ATE1: variants seen among roughly 807,000 people sequenced by gnomAD.
The protein encoded by ATE1 is arginyl-tRNA--protein transferase 1.
A neutral mutation model predicts 70.5 loss-of-function variants in ATE1; 36 were observed. The observed-to-expected ratio is 0.51, with a 90% CI of 0.39 to 0.67. ATE1 has a LOEUF of 0.67. Among genes scored for constraint, ATE1 ranks in the 30% least tolerant of loss-of-function variants. The probability of loss-of-function intolerance (pLI) is 0.00; values close to 1 mark genes in which losing one functional copy is unlikely to be tolerated. For missense variants in ATE1, 593 were observed against 629.5 expected (o/e 0.94, Z 0.62); for synonymous variants, 232 against 219.3 (o/e 1.06, Z -0.51).
chr10:121,760,906 T>A (rs536871918), intron 11 of ATE1, among the ~76,000 whole-genome samples: 1 of 152,302 alleles, frequency 6.6e-6, no homozygotes, highest in East Asian at 1.9e-4. Context: ...ATGTTTGTCC[T>A]CCCAAACATC....
intron 10 of ATE1, 100 bp from the exon 11 acceptor site, chr10:121,790,389 A>G: frequency 7.0e-7 from 1 of 1,427,478 alleles, no homozygotes; most frequent in South Asian, 1.4e-5. Context: ...CAAAAACTTA[A>G]AAGTCAACCA....
At chr10:121,748,481 T>G (rs1944453646) in intron 11 of ATE1, among the ~76,000 whole-genome samples, 1 of 152,190 alleles carries the variant, frequency 6.6e-6, no homozygotes, top group African/African-American at 2.4e-5. Context: ...GTCATATTTT[T>G]GGGAAACACT....
intron 2 of ATE1, 33 bp from the exon 3 acceptor site, chr10:121,922,444 A>G: frequency 7.1e-7 from 1 of 1,417,218 alleles, no homozygotes; most frequent in Non-Finnish European, 9.8e-7. Flanking sequence ...TTAATGTCTT[A>G]TATATTTTTC....
At chr10:121,870,566 G>A (rs761569665) in intron 7 of ATE1, among the ~76,000 whole-genome samples, 1 of 152,096 alleles carries the variant, frequency 6.6e-6, no homozygotes, top group Non-Finnish European at 1.5e-5. Context: ...CTCATCTGTG[G>A]TCTTTACCAT....
chr10:121,768,226 A>C (rs2135849728), intron 11 of ATE1, among the ~76,000 whole-genome samples: 1 of 152,340 alleles, frequency 6.6e-6, no homozygotes, highest in East Asian at 1.9e-4. Context: ...AATCAGTCAC[A>C]GAGTTTGTTT....
chr10:121,871,855 C>A (rs958016789), intron 7 of ATE1, among the ~76,000 whole-genome samples: 1 of 152,116 alleles, frequency 6.6e-6, no homozygotes, highest in African/African-American at 2.4e-5. Flanking sequence ...GCAAAATATA[C>A]CAAAATTTTA....
chr10:121,927,420 A>G, intron 1 of ATE1: 1 of 984,170 alleles, frequency 1.0e-6, no homozygotes, highest in Non-Finnish European at 1.2e-6. Context: ...TTCATACATG[A>G]CCGGCACCTG....
At chr10:121,871,299 A>C (rs570939718) in intron 7 of ATE1, among the ~76,000 whole-genome samples, 1 of 152,216 alleles carries the variant, frequency 6.6e-6, no homozygotes, top group South Asian at 2.1e-4. Flanking sequence ...TCTCTAATAA[A>C]AATACAAAAA....
intron 10 of ATE1, among the ~76,000 whole-genome samples, chr10:121,814,714 C>T (rs938046283): frequency 6.6e-6 from 1 of 152,066 alleles, no homozygotes; most frequent in Admixed American, 6.5e-5. Context: ...AGCATCCTGG[C>T]GGGATGAGGA....
At position 121,866,826 on chromosome 10, in the gene ATE1, G is replaced by A. The variant is rs139270665; in HGVS notation, c.975+3180C>T. On this transcript the variant is annotated intron_variant, in intron 8 of 11. Coordinates refer to ENST00000224652, the MANE Select transcript of ATE1 (RefSeq NM_001001976.3). The stretch of plus-strand genomic sequence containing the variant: ...GTGCTATCTGCACTCCAGCCTGGGT[G>A]ACAGAGTAAGACTCTGTCTCAAAAA... 7.7e-3 allele frequency among the ~76,000 whole-genome samples: 1,057 copies of A among 137,692 alleles called. 9 individuals carry two copies. The highest frequency in any genetic ancestry group is 0.027 in the African/African-American group (994 of 37,130). 90.3% of individuals were successfully genotyped at this position (137,692 alleles called of 152,430 possible).
At chr10:121,793,136 T>A (rs1309079733) in intron 10 of ATE1, among the ~76,000 whole-genome samples, 1 of 152,170 alleles carries the variant, frequency 6.6e-6, no homozygotes, top group Non-Finnish European at 1.5e-5. Flanking sequence ...CAAAGATATA[T>A]GAATGCCTAA....
chr10:121,748,643 AGTTTTTTT>A (rs1286557490), intron 11 of ATE1, among the ~76,000 whole-genome samples: 1 of 151,744 alleles, frequency 6.6e-6, no homozygotes, highest in African/African-American at 2.4e-5. Flanking sequence ...CAAGTTCAAT[AGTTTTTTT>A]GTTTTTTTTT....
intron 11 of ATE1, among the ~76,000 whole-genome samples, chr10:121,759,676 A>C (rs1944955157): frequency 6.6e-6 from 1 of 150,664 alleles, no homozygotes; most frequent in Admixed American, 6.7e-5. Flanking sequence ...GTGGGCCGAG[A>C]CTGCGCCACT....
At position 121,841,252 on chromosome 10, in the gene ATE1, G is replaced by T; in HGVS notation, c.987C>A (p.Pro329=). 1 of 1,510,774 alleles carries T rather than the reference G, an allele frequency of 6.6e-7. No individual in the cohort carries two copies. The highest frequency in any genetic ancestry group is 8.9e-7 in the Non-Finnish European group (1 of 1,121,720). 93.6% of individuals were successfully genotyped at this position (1,510,774 alleles called of 1,614,324 possible). A position where few individuals can be genotyped will look rare whatever the true frequency, so the allele number is the denominator to read the frequency against. ...LCSSPLEAET[P]PNGPDCGYGS... ...CATAGCCACAATCTGGCCCATTAGGGGGAGTCTCTGCCTAAGAAAAAGCAG... is the reference window on the plus strand; with the variant it reads ...CATAGCCACAATCTGGCCCATTAGGTGGAGTCTCTGCCTAAGAAAAAGCAG... Residue 329 remains proline (P), a synonymous_variant, in exon 9 of 12, where the codon CCC becomes CCA. Coordinates refer to ENST00000224652, the MANE Select transcript of ATE1 (RefSeq NM_001001976.3).
At chr10:121,824,489 G>C (rs1947928108) in intron 10 of ATE1, among the ~76,000 whole-genome samples, 1 of 152,164 alleles carries the variant, frequency 6.6e-6, no homozygotes, top group African/African-American at 2.4e-5. Flanking sequence ...TATCATAATA[G>C]TAAGGCCAAG....
intron 11 of ATE1, among the ~76,000 whole-genome samples, chr10:121,746,757 C>A (rs1278791512): frequency 6.1e-5 from 9 of 147,044 alleles, no homozygotes; most frequent in African/African-American, 1.0e-4. Context: ...GTAATTGTAG[C>A]AAAAAAAAAA....
intron 11 of ATE1, among the ~76,000 whole-genome samples, chr10:121,772,101 C>T (rs1171389211): frequency 6.6e-6 from 1 of 152,172 alleles, no homozygotes; most frequent in African/African-American, 2.4e-5. Flanking sequence ...TGTATACCCC[C>T]ACTGCCCAGA....
intron 11 of ATE1, among the ~76,000 whole-genome samples, chr10:121,783,943 T>C (rs1946102436): frequency 6.6e-6 from 1 of 152,136 alleles, no homozygotes; most frequent in Non-Finnish European, 1.5e-5. Context: ...TGAGGTGCAG[T>C]GGCGCGATCA....
At chr10:121,748,025 G>A (rs184914202) in intron 11 of ATE1, among the ~76,000 whole-genome samples, 4 of 152,182 alleles carry the variant, frequency 2.6e-5, no homozygotes, top group African/African-American at 9.7e-5. Context: ...AGATCGGTGA[G>A]ATCAGCAAGT....
Sources: allele counts gnomAD v4.1 joint callset (sites outside exome capture counted in the v4.1 genomes callset), GRCh38; gene constraint gnomAD v4.1.1; transcripts MANE v1.5; gene names NCBI Gene and HGNC (gene_info 2026-07-23, HGNC 2026-07-21).